Variants in PPP1R14C observed in about 807,000 individuals in gnomAD.
PPP1R14C encodes the protein protein phosphatase 1 regulatory inhibitor subunit 14C, also known as protein phosphatase 1 regulatory subunit 14C.
PPP1R14C carries 16 observed loss-of-function variants against 20.4 expected under a neutral mutation model. That is an observed-to-expected ratio of 0.78 (90% CI 0.53 to 1.19). The LOEUF (loss-of-function observed/expected upper bound fraction) is 1.19, where lower values mean the gene tolerates loss of function less well. PPP1R14C is among the 50% of genes most tolerant of loss of function. The pLI, the probability that PPP1R14C is intolerant of heterozygous loss-of-function variation, is 0.00. For synonymous variants in PPP1R14C, 91 were observed against 91.0 expected (o/e 1.00, Z 0.00); for missense variants, 211 against 220.1 (o/e 0.96, Z 0.26).
At chr6:150,154,232 G>A (rs769945343) in intron 1 of PPP1R14C, among the ~76,000 whole-genome samples, 3 of 152,194 alleles carry the variant, frequency 2.0e-5, no homozygotes, top group Non-Finnish European at 2.9e-5. Flanking sequence ...TCTTAAGTAA[G>A]AGAAAGTAAT....
In PPP1R14C at chr6:150,143,338, C is replaced by A; in HGVS notation, c.146C>A (p.Pro49His). ...GSGSSREDSA[P>H]VATAAAAGQV... The stretch of plus-strand genomic sequence containing the variant: ...GGCTCCTCCCGGGAGGACTCGGCGC[C>A]CGTGGCCACGGCGGCCGCTGCAGGG... The change falls in exon 1 of 4, where the codon CCC becomes CAC. Residue 49 changes from proline (P) to histidine (H), a missense_variant. Pro to His is a moderately conservative substitution (Grantham distance 77, BLOSUM62 -2). Transcript: ENST00000361131. The surrounding 1 kb of genome is among the most constrained non-coding windows in gnomAD (Gnocchi z 5.6). The A allele has an allele frequency of 6.2e-7, 1 of 1,604,458 alleles. No homozygotes were observed.
intron 1 of PPP1R14C, among the ~76,000 whole-genome samples, chr6:150,206,443 G>C (rs1476562320): frequency 6.6e-6 from 1 of 152,150 alleles, no homozygotes; most frequent in Non-Finnish European, 1.5e-5. Context: ...GGTTTGCCTG[G>C]TGTTCTGAGA....
At chr6:150,153,857 G>A (rs918301171) in intron 1 of PPP1R14C, among the ~76,000 whole-genome samples, 4 of 152,076 alleles carry the variant, frequency 2.6e-5, no homozygotes, top group African/African-American at 9.7e-5. Flanking sequence ...GTGGAGGGCT[G>A]GAATATTCAT....
At chr6:150,147,665 G>T (rs1269997494) in intron 1 of PPP1R14C, among the ~76,000 whole-genome samples, 1 of 152,222 alleles carries the variant, frequency 6.6e-6, no homozygotes, top group Non-Finnish European at 1.5e-5. Context: ...AAGCTCAGAT[G>T]ATTGCAATGC....
chr6:150,235,994 A>T (rs78715927), intron 3 of PPP1R14C, among the ~76,000 whole-genome samples: 4,297 of 152,188 alleles, frequency 0.028, 189 homozygotes, highest in African/African-American at 0.098. Context: ...TTGTAATTAG[A>T]CTATAATTAC....
At chr6:150,200,676 T>A (rs1398494449) in intron 1 of PPP1R14C, among the ~76,000 whole-genome samples, 1 of 152,264 alleles carries the variant, frequency 6.6e-6, no homozygotes, top group Middle Eastern at 3.4e-3. Context: ...ATCCCCTACA[T>A]TTGTAACAGG....
At chr6:150,209,725 A>AGTGT (rs920619008) in intron 1 of PPP1R14C, among the ~76,000 whole-genome samples, 8 of 136,576 alleles carry the variant, frequency 5.9e-5, no homozygotes, top group African/African-American at 2.3e-4. Flanking sequence ...GCGTATGAGT[A>AGTGT]GTGTGGAGTG....
chr6:150,215,486 C>G (rs1235196779), intron 2 of PPP1R14C, among the ~76,000 whole-genome samples: 1 of 152,190 alleles, frequency 6.6e-6, no homozygotes, highest in Non-Finnish European at 1.5e-5. Context: ...TTAATGTCCA[C>G]TGATAATTAC....
chr6:150,160,956 C>T (rs1014755347), intron 1 of PPP1R14C, among the ~76,000 whole-genome samples: 11 of 152,038 alleles, frequency 7.2e-5, no homozygotes, highest in Admixed American at 4.6e-4. Flanking sequence ...CCAAGGAACG[C>T]TGATTCCTTT....
rs6905409 is a variant in PPP1R14C, at chr6:150,185,194, G to A, written c.307-29550G>A. On this transcript the variant is annotated intron_variant, in intron 1 of 3. Coordinates refer to ENST00000361131, the MANE Select transcript of PPP1R14C (RefSeq NM_030949.3). The surrounding 1 kb of genome is among the most constrained non-coding windows in gnomAD (Gnocchi z 4.1). ...TATTTACTCAACTTCTTTCTTTATC[G>A]ATTTCCTCATCTATAACATGTCAAC... Among the ~76,000 whole-genome samples, 71,759 of 151,896 alleles carry A rather than the reference G, an allele frequency of 0.47. 17,153 individuals carry two copies. The highest frequency in any genetic ancestry group is 0.57 in the South Asian group (2,749 of 4,818).
intron 3 of PPP1R14C, among the ~76,000 whole-genome samples, chr6:150,235,332 C>T (rs190674782): frequency 6.6e-6 from 1 of 152,310 alleles, no homozygotes; most frequent in East Asian, 1.9e-4. Context: ...TCAAGTGATC[C>T]TTCTGCCTCA....
rs1777875781 is a variant in PPP1R14C, at chr6:150,201,398, A to T, written c.307-13346A>T. Among the ~76,000 whole-genome samples, 1 of 152,194 alleles carries T rather than the reference A, an allele frequency of 6.6e-6. No homozygotes were observed. Among genetic ancestry groups the T allele is most frequent in the African/African-American group, 2.4e-5 (1 of 41,434 alleles). On this transcript the variant is annotated intron_variant, in intron 1 of 3. Coordinates refer to ENST00000361131, the MANE Select transcript of PPP1R14C (RefSeq NM_030949.3). The surrounding 1 kb of genome is among the most constrained non-coding windows in gnomAD (Gnocchi z 4.2). ...TTTGCTTTAGGAAGTGATGGCTGACACGAGATAACAAGAAGAGTGTCCTAC... is the reference window on the plus strand; with the variant it reads ...TTTGCTTTAGGAAGTGATGGCTGACTCGAGATAACAAGAAGAGTGTCCTAC...
intron 3 of PPP1R14C, among the ~76,000 whole-genome samples, chr6:150,232,165 T>C (rs1778303641): frequency 1.3e-5 from 2 of 150,798 alleles, no homozygotes. Flanking sequence ...TCCTGACTGC[T>C]AGTAAGGTTG....
chr6:150,247,951 G>T (rs1778513677), intron 3 of PPP1R14C, among the ~76,000 whole-genome samples: 1 of 152,138 alleles, frequency 6.6e-6, no homozygotes, highest in South Asian at 2.1e-4. Context: ...TATAATAGAG[G>T]TTTATTTAGC....
chr6:150,237,394 G>T (rs1224915452), intron 3 of PPP1R14C, among the ~76,000 whole-genome samples: 1 of 151,966 alleles, frequency 6.6e-6, no homozygotes, highest in Non-Finnish European at 1.5e-5. Flanking sequence ...GTAGAGACAG[G>T]GTTTCACCAT....
chr6:150,204,920 G>A (rs1777925541), intron 1 of PPP1R14C, among the ~76,000 whole-genome samples: 1 of 151,826 alleles, frequency 6.6e-6, no homozygotes, highest in African/African-American at 2.4e-5. Flanking sequence ...TCCTCCCATT[G>A]CAGGAGGAAG....
intron 1 of PPP1R14C, among the ~76,000 whole-genome samples, chr6:150,154,749 G>T (rs963853531): frequency 1.3e-5 from 2 of 152,162 alleles, no homozygotes; most frequent in Admixed American, 6.5e-5. Context: ...TGTGTGAGTG[G>T]CTTGGGTAGG....
At chr6:150,202,314 C>A (rs987647595) in intron 1 of PPP1R14C, among the ~76,000 whole-genome samples, 10 of 152,228 alleles carry the variant, frequency 6.6e-5, no homozygotes, top group Non-Finnish European at 1.2e-4. Context: ...CTGGGTCCCA[C>A]GGAAGAGGCA....
At chr6:150,214,626 A>C in intron 1 of PPP1R14C, 118 bp from the exon 2 acceptor site, 11 of 485,868 alleles carry the variant, frequency 2.3e-5, no homozygotes, top group East Asian at 6.3e-5. Context: ...CCCCCTGCTT[A>C]TCTGTCAGCC....
Sources: gnomAD v4.1 joint callset for allele counts (sites outside exome capture counted in the v4.1 genomes callset) on GRCh38, gnomAD v4.1.1 for gene constraint, Gnocchi (gnomAD v3.1) non-coding constraint, MANE v1.5 for transcripts, NCBI Gene and HGNC (gene_info 2026-07-23, HGNC 2026-07-21) for gene names.